The following SLC26A4 variants were observed in gnomAD, a reference collection of about 807,000 sequenced individuals.
The protein encoded by SLC26A4 is solute carrier family 26 member 4, also known as pendrin.
Under a neutral mutation model 90.4 loss-of-function variants are expected in SLC26A4, and 93 were observed. The observed-to-expected ratio is 1.03, with a 90% CI of 0.87 to 1.22. The LOEUF (loss-of-function observed/expected upper bound fraction) is 1.22. Ranked by LOEUF, SLC26A4 falls within the 50% of genes most tolerant of loss-of-function variation. SLC26A4 has a pLI of 0.00. For missense variants in SLC26A4, 1,127 were observed against 946.2 expected (o/e 1.19, Z -2.51); for synonymous variants, 393 against 354.6 (o/e 1.11, Z -1.22).
chr7:107,677,606 G>T (rs1791061310), intron 6 of SLC26A4, among the ~76,000 whole-genome samples: 2 of 148,996 alleles, frequency 1.3e-5, no homozygotes, highest in African/African-American at 5.1e-5. Flanking sequence ...TATTAAAAAA[G>T]AATTTTTTTT....
intron 2 of SLC26A4, among the ~76,000 whole-genome samples, chr7:107,663,094 C>T (rs191004869): frequency 1.3e-5 from 2 of 152,264 alleles, no homozygotes; most frequent in East Asian, 3.9e-4. Context: ...CCTGTGTTCT[C>T]TAGAAGAGTG....
At chr7:107,706,946 A>G (rs534923416) in intron 18 of SLC26A4, among the ~76,000 whole-genome samples, 2 of 152,258 alleles carry the variant, frequency 1.3e-5, no homozygotes, top group African/African-American at 4.8e-5. Context: ...AAGGCGGACA[A>G]TTGCTTTGAG....
At chr7:107,702,733 A>T (rs1791931759) in intron 17 of SLC26A4, among the ~76,000 whole-genome samples, 1 of 152,114 alleles carries the variant, frequency 6.6e-6, no homozygotes, top group Non-Finnish European at 1.5e-5. Context: ...CTCCCCAGCA[A>T]ATTAATTCAC....
chr7:107,695,651 G>T (rs1057329573), intron 12 of SLC26A4, among the ~76,000 whole-genome samples: 1 of 151,984 alleles, frequency 6.6e-6, no homozygotes, highest in Non-Finnish European at 1.5e-5. Flanking sequence ...ACAAATAAAA[G>T]ATTAAAAATT....
intron 10 of SLC26A4, among the ~76,000 whole-genome samples, chr7:107,694,085 C>T (rs764010964): frequency 3.3e-5 from 5 of 152,136 alleles, no homozygotes; most frequent in Non-Finnish European, 5.9e-5. Flanking sequence ...TAACTAGAAG[C>T]TTGGCCTGAA....
rs757820624 is a variant in SLC26A4 at position 107,710,135 on chromosome 7, A to G, written c.2171A>G (p.Asp724Gly). Residue 724 changes from aspartate (D) to glycine (G), a missense_variant, in exon 19 of 21, where the codon GAT (aspartate) becomes GGT (glycine). Asp to Gly is a moderately conservative substitution (Grantham distance 94). Coordinates refer to ENST00000644269, the MANE Select transcript of SLC26A4 (RefSeq NM_000441.2). Reference sequence around the variant, plus strand: ...GACACATTCTTTTTGACGGTCCATGATGCTATACTCTATCTACAGAACCAA... The same window carrying G: ...GACACATTCTTTTTGACGGTCCATGGTGCTATACTCTATCTACAGAACCAA... ...RKDTFFLTVH[D>G]AILYLQNQVK... 56 of 1,609,138 alleles carry G rather than the reference A, an allele frequency of 3.5e-5. No individual in the cohort carries two copies. Among genetic ancestry groups the G allele is most frequent in the Non-Finnish European group, 4.4e-5 (52 of 1,175,568 alleles).
chr7:107,695,919 A>T lies in SLC26A4; in HGVS notation c.1438-14A>T. 7.3e-7 allele frequency: 1 copy of T among 1,378,268 alleles called. No homozygotes were observed. Among genetic ancestry groups the T allele is most frequent in the African/African-American group, 1.4e-5 (1 of 70,112 alleles). The allele number at this position is 1,378,268 out of a possible 1,614,324, so 85.4% of individuals were successfully genotyped here. On this transcript the variant is annotated splice_polypyrimidine_tract_variant and intron_variant, in intron 12 of 20. Transcript: ENST00000644269. The stretch of plus-strand genomic sequence containing the variant: ...CATTAATATAATTCTTTTCATTTCT[A>T]TTTTTTTCCCTAGGTTATCTGGGTG...
chr7:107,710,719 A>G lies in SLC26A4; in HGVS notation c.2235+520A>G, dbSNP rs114251187. The stretch of plus-strand genomic sequence containing the variant: ...CCCTGATGGGAGGCCTCATGGCACA[A>G]CAGTAGCGCATCTGGCTCCAGAATA... On this transcript the variant is annotated intron_variant, in intron 19 of 20. Transcript: ENST00000644269. Among the ~76,000 whole-genome samples, 633 of 152,260 alleles carry G rather than the reference A, an allele frequency of 4.2e-3. 2 individuals carry two copies. The highest frequency in any genetic ancestry group is 0.014 in the African/African-American group (581 of 41,546).
At chr7:107,701,273 A>G in intron 16 of SLC26A4, 77 bp downstream of exon 16, 2 of 884,828 alleles carry the variant, frequency 2.3e-6, no homozygotes, top group Non-Finnish European at 3.8e-6. Context: ...CTAAAATTAA[A>G]TCTATCCTCT....
intron 18 of SLC26A4, among the ~76,000 whole-genome samples, chr7:107,704,739 C>CT (rs1287220266): frequency 1.3e-5 from 2 of 152,130 alleles, no homozygotes; most frequent in African/African-American, 4.8e-5. Context: ...TGTCAGGATA[C>CT]TTTTTTGTAT....
In SLC26A4 at chr7:107,689,027, G is replaced by A. The variant is rs778915722; in HGVS notation, c.1002-26G>A. ...AAAGGATGGTGGTCAAATCTTCACA[G>A]CATTTTTCACTTAAAAACTCACTAG... On this transcript the variant is annotated intron_variant, in intron 8 of 20. Coordinates refer to ENST00000644269, the MANE Select transcript of SLC26A4 (RefSeq NM_000441.2). 1.2e-4 allele frequency: 197 copies of A among 1,613,010 alleles called. 2 individuals carry two copies. The Admixed American group carries it at 3.2e-3, about 26-fold the overall frequency.
chr7:107,707,590 C>A (rs896944511), intron 18 of SLC26A4, among the ~76,000 whole-genome samples: 1 of 152,106 alleles, frequency 6.6e-6, no homozygotes, highest in African/African-American at 2.4e-5. Context: ...CTGTGGCACA[C>A]AACAATTTAA....
At chr7:107,671,360 A>G (rs1315584547) in intron 3 of SLC26A4, among the ~76,000 whole-genome samples, 1 of 151,962 alleles carries the variant, frequency 6.6e-6, no homozygotes, top group Non-Finnish European at 1.5e-5. Flanking sequence ...GAGTCTTGCT[A>G]TGTTTTCCAG....
intron 17 of SLC26A4, among the ~76,000 whole-genome samples, 179 bp from the exon 18 acceptor site, chr7:107,704,152 C>G (rs1336995802): frequency 1.3e-5 from 2 of 152,166 alleles, no homozygotes; most frequent in African/African-American, 4.8e-5. Context: ...GAGATATAAT[C>G]CTAATTATAC....
chr7:107,674,040 T>C (rs1179198895), intron 4 of SLC26A4, 124 bp from the exon 5 acceptor site: 3 of 1,034,470 alleles, frequency 2.9e-6, no homozygotes, highest in East Asian at 4.9e-5. Context: ...TCAGCTTCTT[T>C]CGTGAACAAA....
At chr7:107,691,514 T>C (rs113733553) in intron 10 of SLC26A4, among the ~76,000 whole-genome samples, 44,640 of 130,394 alleles carry the variant, frequency 0.34, 8,023 homozygotes, top group East Asian at 0.62. Flanking sequence ...AATATATATA[T>C]ACACACACAC....
intron 3 of SLC26A4, among the ~76,000 whole-genome samples, chr7:107,666,753 G>A (rs1422611158): frequency 6.6e-6 from 1 of 152,128 alleles, no homozygotes. Flanking sequence ...AGTAAACCAT[G>A]AAATAAACTG....
chr7:107,669,103 A>G (rs997410642), intron 3 of SLC26A4, among the ~76,000 whole-genome samples: 7 of 152,102 alleles, frequency 4.6e-5, no homozygotes, highest in Admixed American at 1.3e-4. Context: ...AATTACAGGC[A>G]TGTACCAACA....
intron 3 of SLC26A4, among the ~76,000 whole-genome samples, chr7:107,667,550 G>A (rs1562820630): frequency 6.6e-6 from 1 of 150,386 alleles, no homozygotes; most frequent in East Asian, 2.0e-4. Flanking sequence ...ATTACAGACT[G>A]CTTTTAAGAA....
Sources: gnomAD v4.1 joint callset for allele counts (sites outside exome capture counted in the v4.1 genomes callset) on GRCh38, gnomAD v4.1.1 for gene constraint, MANE v1.5 for transcripts, NCBI Gene and HGNC (gene_info 2026-07-23, HGNC 2026-07-21) for gene names.